ACBD6: variants seen among roughly 807,000 people sequenced by gnomAD.
The protein encoded by ACBD6 is acyl-CoA binding domain containing 6, also known as acyl-CoA-binding domain-containing protein 6.
ACBD6 carries 28 observed loss-of-function variants against 37.2 expected under a neutral mutation model. That is an observed-to-expected ratio of 0.75 (90% CI 0.56 to 1.03). The LOEUF is 1.03. ACBD6 is among the 50% of genes least tolerant of loss of function. ACBD6 has a pLI of 0.00. For missense variants in ACBD6, 340 were observed against 337.4 expected, an observed-to-expected ratio of 1.01 and a Z score of -0.06; for synonymous variants, 113 against 126.8, an observed-to-expected ratio of 0.89 and a Z score of 0.73.
chr1:180,397,855 C>A (rs1319729704), intron 5 of ACBD6, among the ~76,000 whole-genome samples: 4 of 152,070 alleles, frequency 2.6e-5, no homozygotes, highest in African/African-American at 9.7e-5. Flanking sequence ...GAGTTCGAGA[C>A]CAGCCTGGCC....
chr1:180,274,479 G>C lies in ACBD6; in HGVS notation c.*936+172C>G. 1.9e-6 allele frequency: 3 copies of C among 1,613,998 alleles called. No individual in the cohort carries two copies. The South Asian group carries it at 3.3e-5, about 18-fold the overall frequency. On this transcript the variant is annotated intron_variant, in intron 10 of 13. Transcript: ENST00000642319. ...CAGACGCTGAGAGCCATGGCTGGGGGACCCACCTCTGACATCTCCACAGGA... is the reference window on the plus strand; with the variant it reads ...CAGACGCTGAGAGCCATGGCTGGGGCACCCACCTCTGACATCTCCACAGGA...
intron 4 of ACBD6, among the ~76,000 whole-genome samples, chr1:180,425,765 C>T (rs892706982): frequency 6.6e-6 from 1 of 152,080 alleles, no homozygotes; most frequent in Non-Finnish European, 1.5e-5. Flanking sequence ...AGCTTTTTCT[C>T]CAATCATATC....
At chr1:180,462,209 C>A (rs1650174730) in intron 3 of ACBD6, among the ~76,000 whole-genome samples, 1 of 152,066 alleles carries the variant, frequency 6.6e-6, no homozygotes, top group Non-Finnish European at 1.5e-5. Flanking sequence ...GGCACTCCAA[C>A]CTGGACAACA....
intron 3 of ACBD6, among the ~76,000 whole-genome samples, chr1:180,489,957 C>T (rs910460321): frequency 1.3e-5 from 2 of 152,152 alleles, no homozygotes; most frequent in Non-Finnish European, 2.9e-5. Context: ...CTGTGCTTGG[C>T]CTGCAAGCAT....
chr1:180,392,534 T>A (rs1324172006), intron 6 of ACBD6, among the ~76,000 whole-genome samples: 2 of 152,172 alleles, frequency 1.3e-5, no homozygotes, highest in African/African-American at 4.8e-5. Flanking sequence ...TGGCCTTCAC[T>A]AGCTCTATAA....
chr1:180,486,836 T>C (rs141207092), intron 3 of ACBD6, among the ~76,000 whole-genome samples: 234 of 152,262 alleles, frequency 1.5e-3, no homozygotes, highest in African/African-American at 5.3e-3. Context: ...ATCCCAATAT[T>C]GGGACAAACA....
Position 180,271,799 on chromosome 1 carries a change from C to T in ACBD6, c.*1426G>A, listed in dbSNP as rs781317514. 33 of 1,610,986 alleles carry T rather than the reference C, an allele frequency of 2.0e-5. 1 individual carries two copies. Among genetic ancestry groups the T allele is most frequent in the Middle Eastern group, 1.7e-4 (1 of 6,024 alleles). On this transcript the variant is annotated 3_prime_UTR_variant, in exon 14 of 14. Coordinates refer to the ACBD6 transcript ENST00000642319. ...CTGGGGGCTTTGGGTTTGTGGTGGA[C>T]GCCCCCTGAGTATGTCCCTTGTGCT... is the stretch of plus-strand genomic sequence containing the variant.
At chr1:180,461,513 G>C (rs989628432) in intron 3 of ACBD6, among the ~76,000 whole-genome samples, 1 of 152,146 alleles carries the variant, frequency 6.6e-6, no homozygotes. Flanking sequence ...GGCAGCCAGA[G>C]AGAAAGGCCA....
In ACBD6 at chr1:180,353,574, A is replaced by G. The variant is rs544733104; in HGVS notation, c.664-38852T>C. Among the ~76,000 whole-genome samples the G allele has an allele frequency of 5.3e-5, 8 of 152,168 alleles. No homozygotes were observed. The South Asian group carries it at 1.7e-3, about 32-fold the overall frequency. ...CAGAATTATGTATGCTCAGACTAAGATATTTTAAAATTAAAATTGTATTTA... is the reference window on the plus strand; with the variant it reads ...CAGAATTATGTATGCTCAGACTAAGGTATTTTAAAATTAAAATTGTATTTA... On this transcript the variant is annotated intron_variant, in intron 6 of 7. Coordinates refer to ENST00000367595, the MANE Select transcript of ACBD6 (RefSeq NM_032360.4).
At chr1:180,463,131 G>C (rs1557881127) in intron 3 of ACBD6, among the ~76,000 whole-genome samples, 1 of 152,114 alleles carries the variant, frequency 6.6e-6, no homozygotes, top group Non-Finnish European at 1.5e-5. Flanking sequence ...AAGTTAGAAA[G>C]ATCTCAAGTT....
At chr1:180,501,365 G>A (rs1368567214) in intron 1 of ACBD6, among the ~76,000 whole-genome samples, 3 of 151,872 alleles carry the variant, frequency 2.0e-5, no homozygotes, top group Non-Finnish European at 4.4e-5. Flanking sequence ...TATTATTTGA[G>A]GTGGAGTTTC....
chr1:180,282,317 C>T (rs1401072560), intron 8 of ACBD6, among the ~76,000 whole-genome samples: 1 of 151,962 alleles, frequency 6.6e-6, no homozygotes, highest in Non-Finnish European at 1.5e-5. Flanking sequence ...TTGGGAAAGG[C>T]TGGGAATTGC....
At position 180,377,971 on chromosome 1, in the gene ACBD6, A is replaced by AATG. The variant is rs1245787152; in HGVS notation, c.663+19544_663+19545insCAT. Among the ~76,000 whole-genome samples, 219 of 149,608 alleles carry AATG rather than the reference A, an allele frequency of 1.5e-3. 1 individual carries two copies. Among genetic ancestry groups the AATG allele is most frequent in the African/African-American group, 5.1e-3 (207 of 40,980 alleles). On this transcript the variant is annotated intron_variant, in intron 6 of 7. Coordinates refer to ENST00000367595, the MANE Select transcript of ACBD6 (RefSeq NM_032360.4). ...TCAAAATAATAATAATAATAATAAT[A>AATG]ATAATAATAATAGCCATAAGTTTGA...
intron 6 of ACBD6, among the ~76,000 whole-genome samples, chr1:180,337,320 T>A (rs1341276707): frequency 2.0e-5 from 3 of 152,102 alleles, no homozygotes; most frequent in Non-Finnish European, 2.9e-5. Context: ...CAAGTGGGCT[T>A]CATCCCTGGG....
At chr1:180,372,099 A>G (rs1017428122) in intron 6 of ACBD6, among the ~76,000 whole-genome samples, 1 of 151,990 alleles carries the variant, frequency 6.6e-6, no homozygotes, top group African/African-American at 2.4e-5. Context: ...ACAATATACC[A>G]CATAAAAGAA....
At chr1:180,334,657 C>T (rs576591094) in intron 6 of ACBD6, among the ~76,000 whole-genome samples, 14 of 152,220 alleles carry the variant, frequency 9.2e-5, no homozygotes, top group South Asian at 6.2e-4. Context: ...GAAAGCTGGA[C>T]GGAGAATGAC....
At chr1:180,287,321 G>A (rs1649534844), downstream of ACBD6, 1 of 150,322 alleles carries the variant, frequency 6.7e-6, no homozygotes, top group Non-Finnish European at 1.5e-5. Context: ...GAGGTGGGAG[G>A]ATTCCTTGAG....
At chr1:180,477,660 C>T (rs1255457998) in intron 3 of ACBD6, among the ~76,000 whole-genome samples, 3 of 152,040 alleles carry the variant, frequency 2.0e-5, no homozygotes, top group Non-Finnish European at 2.9e-5. Context: ...CCAACTAATA[C>T]ACACAGGTTA....
At chr1:180,368,201 T>C (rs1339311544) in intron 6 of ACBD6, among the ~76,000 whole-genome samples, 1 of 152,208 alleles carries the variant, frequency 6.6e-6, no homozygotes, top group African/African-American at 2.4e-5. Context: ...TTGAAGTGTC[T>C]GTCCCTGTTT....
Sources: allele counts gnomAD v4.1 joint callset (sites outside exome capture counted in the v4.1 genomes callset), GRCh38; gene constraint gnomAD v4.1.1; transcripts MANE v1.5; gene names NCBI Gene and HGNC (gene_info 2026-07-23, HGNC 2026-07-21).